The following GCH1 variants were observed in gnomAD, a reference collection of about 807,000 sequenced individuals.
GCH1 encodes the protein GTP cyclohydrolase 1.
GCH1 carries 5 observed loss-of-function variants against 25.9 expected under a neutral mutation model. The observed-to-expected ratio is 0.19, with a 90% confidence interval of 0.10 to 0.41. GCH1 has a LOEUF of 0.41. Ranked by LOEUF, GCH1 falls within the 10% of genes least tolerant of loss-of-function variation. GCH1 has a pLI of 1.00. For missense variants in GCH1, 261 were observed against 336.5 expected (o/e 0.78, Z 1.75); for synonymous variants, 159 against 129.6 (o/e 1.23, Z -1.54).
intron 1 of GCH1, among the ~76,000 whole-genome samples, chr14:54,874,810 A>G (rs2140089597): frequency 6.6e-6 from 1 of 152,312 alleles, no homozygotes; most frequent in African/African-American, 2.4e-5. Flanking sequence ...CTTCAAGGAG[A>G]ACTACAAACC....
At chr14:54,882,665 T>C (rs1370926177) in intron 1 of GCH1, among the ~76,000 whole-genome samples, 1 of 151,956 alleles carries the variant, frequency 6.6e-6, no homozygotes, top group Non-Finnish European at 1.5e-5. Flanking sequence ...ACAGCAGTTC[T>C]ACAGAAAAAA....
intron 3 of GCH1, among the ~76,000 whole-genome samples, chr14:54,850,699 A>G (rs760925244): frequency 2.6e-5 from 4 of 151,948 alleles, no homozygotes; most frequent in Non-Finnish European, 4.4e-5. Flanking sequence ...TCATTGTTCA[A>G]TTGTCACCTA....
At chr14:54,880,691 TCATATATATATACTC>T (rs2040248044) in intron 1 of GCH1, among the ~76,000 whole-genome samples, 1 of 1,096 alleles carries the variant, frequency 9.1e-4, no homozygotes, top group Non-Finnish European at 0.028. Flanking sequence ...ATATATATAC[TCATATATATATACTC>T]CATATATATA....
At position 54,902,559 on chromosome 14, in the gene GCH1, C is replaced by G; in HGVS notation, c.105G>C (p.Pro35=). 6.6e-7 allele frequency: 1 copy of G among 1,517,716 alleles called. No individual in the cohort carries two copies. Among genetic ancestry groups the G allele is most frequent in the Non-Finnish European group, 8.8e-7 (1 of 1,134,798 alleles). The allele number at this position is 1,517,716 out of a possible 1,614,324, so 94.0% of individuals were successfully genotyped here. ...RDPPRPGPSR[P]AEKPPRPEAK... Reference sequence around the variant, plus strand: ...CCTCGGGCCGCGGGGGCTTCTCCGCCGGCCTGCTGGGCCCGGGCCGCGGCG... The same window carrying G: ...CCTCGGGCCGCGGGGGCTTCTCCGCGGGCCTGCTGGGCCCGGGCCGCGGCG... The change falls in exon 1 of 6, where the codon CCG becomes CCC. Residue 35 remains proline (P), a synonymous_variant. Coordinates refer to ENST00000491895, the MANE Select transcript of GCH1 (RefSeq NM_000161.3).
chr14:54,902,363 C>T lies in GCH1; in HGVS notation c.301G>A (p.Ala101Thr), dbSNP rs1064796560. ...LLKTPWRAAS[A>T]MQFFTKGYQE... ...TAGCCCTTGGTGAAGAACTGCATGG[C>T]CGAGGCCGCCCTCCAGGGCGTCTTG... The change falls in exon 1 of 6, where the codon GCC becomes ACC. Residue 101 changes from alanine (A) to threonine (T), a missense_variant. Physicochemically the swap from Ala to Thr is moderately conservative, Grantham distance 58. This residue lies in a region of GCH1 where 6 missense variants were observed against 23.7 expected (regional missense o/e 0.25). Transcript: ENST00000491895. 6.2e-7 allele frequency: 1 copy of T among 1,612,934 alleles called. No individual in the cohort carries two copies. Among genetic ancestry groups the T allele is most frequent in the Non-Finnish European group, 8.5e-7 (1 of 1,179,848 alleles).
intron 1 of GCH1, among the ~76,000 whole-genome samples, chr14:54,869,595 C>G (rs940611364): frequency 6.6e-6 from 1 of 152,222 alleles, no homozygotes; most frequent in Non-Finnish European, 1.5e-5. Context: ...ATTCTCCTGC[C>G]TCAGCCTCCT....
At chr14:54,884,409 T>C (rs2040316687) in intron 1 of GCH1, among the ~76,000 whole-genome samples, 1 of 151,734 alleles carries the variant, frequency 6.6e-6, no homozygotes, top group Admixed American at 6.6e-5. Flanking sequence ...TGTAGGTCTA[T>C]GCATGGAACA....
At chr14:54,862,975 T>C (rs1281339212) in intron 2 of GCH1, among the ~76,000 whole-genome samples, 1 of 152,048 alleles carries the variant, frequency 6.6e-6, no homozygotes, top group Non-Finnish European at 1.5e-5. Flanking sequence ...GCAATGTAAA[T>C]ACAAATGTGT....
intron 3 of GCH1, among the ~76,000 whole-genome samples, chr14:54,855,995 T>G (rs2140057713): frequency 6.6e-6 from 1 of 150,524 alleles, no homozygotes; most frequent in East Asian, 1.9e-4. Context: ...TCATTTGTAT[T>G]TAAATGGTAT....
At chr14:54,850,089 T>A (rs1053881025) in intron 3 of GCH1, among the ~76,000 whole-genome samples, 1 of 151,484 alleles carries the variant, frequency 6.6e-6, no homozygotes, top group Non-Finnish European at 1.5e-5. Context: ...ATTCTCTACC[T>A]CAGGTTCCCA....
At position 54,874,353 on chromosome 14, in the gene GCH1, A is replaced by G. The variant is rs576572963; in HGVS notation, c.344-8917T>C. ...TGATGGGACATATCTCAAAATAATA[A>G]GAGCTATCTATGACAAACCCACAGC... On this transcript the variant is annotated intron_variant, in intron 1 of 5. Transcript: ENST00000491895. 2.4e-4 allele frequency among the ~76,000 whole-genome samples: 36 copies of G among 152,346 alleles called. No homozygotes were observed. The South Asian group carries it at 7.2e-3, about 31-fold the overall frequency.
At chr14:54,846,266 T>C (rs2039640285) in intron 4 of GCH1, among the ~76,000 whole-genome samples, 1 of 152,202 alleles carries the variant, frequency 6.6e-6, no homozygotes, top group Non-Finnish European at 1.5e-5. Context: ...TAGAGCAATG[T>C]TGAAAACCAA....
intron 1 of GCH1, among the ~76,000 whole-genome samples, chr14:54,866,860 G>A (rs1387093369): frequency 6.6e-6 from 1 of 152,172 alleles, no homozygotes; most frequent in African/African-American, 2.4e-5. Context: ...GACACATACA[G>A]ACAAACAGAG....
rs150937402 is a variant in GCH1, at chr14:54,843,039, C to T, written c.*978G>A. On this transcript the variant is annotated 3_prime_UTR_variant, in exon 6 of 6. Transcript: ENST00000491895. ...CTGTGCTCGTTCAGGTGCGTGGAAG[C>T]TATGGTTCTGCAGACCTGAAAATGA... The T allele has an allele frequency of 1.2e-5, 11 of 931,348 alleles. No homozygotes were observed. The East Asian group carries it at 2.1e-4, about 18-fold the overall frequency. The allele number at this position is 931,348 out of a possible 1,614,324, so 57.7% of individuals were successfully genotyped here. A position where few individuals can be genotyped will look rare whatever the true frequency, so the allele number is the denominator to read the frequency against.
At position 54,845,865 on chromosome 14, in the gene GCH1, T is replaced by C. The variant is rs769562483; in HGVS notation, c.542-13A>G. 4 of 1,486,368 alleles carry C rather than the reference T, an allele frequency of 2.7e-6. No homozygotes were observed. The highest frequency in any genetic ancestry group is 2.3e-5 in the South Asian group (2 of 88,476). 92.1% of individuals were successfully genotyped at this position (1,486,368 alleles called of 1,614,324 possible). The stretch of plus-strand genomic sequence containing the variant: ...AGGCGCTCCTGAACTGTGGATGTGA[T>C]AAGGAGCTCAGTTTGAGAGTCTGAC... On this transcript the variant is annotated splice_polypyrimidine_tract_variant and intron_variant, in intron 4 of 5. Transcript: ENST00000491895.
chr14:54,847,464 G>A (rs1233906018), intron 3 of GCH1, among the ~76,000 whole-genome samples: 1 of 152,160 alleles, frequency 6.6e-6, no homozygotes, highest in African/African-American at 2.4e-5. Flanking sequence ...TACAAAGCAG[G>A]CAGAAATATA....
intron 1 of GCH1, among the ~76,000 whole-genome samples, chr14:54,872,687 G>C (rs1260530272): frequency 6.6e-6 from 1 of 151,928 alleles, no homozygotes; most frequent in Non-Finnish European, 1.5e-5. Context: ...CAAAAGGCAG[G>C]GGTTGCAATC....
At chr14:54,848,239 C>T (rs936942855) in intron 3 of GCH1, among the ~76,000 whole-genome samples, 4 of 151,190 alleles carry the variant, frequency 2.6e-5, no homozygotes, top group South Asian at 2.1e-4. Context: ...TGGGTTCAAG[C>T]GATTCTCCTG....
At chr14:54,869,527 C>A (rs2040038763) in intron 1 of GCH1, among the ~76,000 whole-genome samples, 1 of 152,184 alleles carries the variant, frequency 6.6e-6, no homozygotes. Context: ...GTTGCCCAGG[C>A]TGGAGTGCAA....
Sources: allele counts gnomAD v4.1 joint callset (sites outside exome capture counted in the v4.1 genomes callset), GRCh38; gene constraint gnomAD v4.1.1; regional missense constraint gnomAD v4.1.1; transcripts MANE v1.5; gene names NCBI Gene and HGNC (gene_info 2026-07-23, HGNC 2026-07-21).